VWA8: variants seen among roughly 807,000 people sequenced by gnomAD.
VWA8 encodes von Willebrand factor A domain-containing protein 8.
In VWA8, 221 loss-of-function variants were observed where a neutral mutation model predicts 241.5. That is an observed-to-expected ratio of 0.91 (90% CI 0.82 to 1.02). The LOEUF (loss-of-function observed/expected upper bound fraction) is 1.02. VWA8 is among the 50% of genes least tolerant of loss of function. VWA8 has a pLI of 0.00. For missense variants in VWA8, 2,322 were observed against 2,328.7 expected (o/e 1.00, Z 0.06); for synonymous variants, 852 against 827.1 (o/e 1.03, Z -0.52).
intron 12 of VWA8, among the ~76,000 whole-genome samples, chr13:41,852,010 A>G (rs1343036567): frequency 6.6e-6 from 1 of 152,008 alleles, no homozygotes; most frequent in East Asian, 1.9e-4. Context: ...CCTCCATACT[A>G]TTTTCTATAA....
chr13:41,901,788 C>T (rs1195112863), intron 4 of VWA8, among the ~76,000 whole-genome samples: 1 of 143,876 alleles, frequency 7.0e-6, no homozygotes, highest in Non-Finnish European at 1.5e-5. Context: ...ATTGCTTGTA[C>T]CCAGGAGGCA....
intron 2 of VWA8, chr13:41,926,420 G>A (rs1298662961): frequency 1.9e-6 from 1 of 532,000 alleles, no homozygotes; most frequent in East Asian, 4.9e-5. Flanking sequence ...TCATCCCGGG[G>A]GAGCTGTGGC....
Position 41,570,589 on chromosome 13 carries a change from T to C in VWA8, c.5488A>G (p.Ser1830Gly). 1.9e-6 allele frequency: 3 copies of C among 1,614,216 alleles called. No individual in the cohort carries two copies. The highest frequency in any genetic ancestry group is 2.5e-6 in the Non-Finnish European group (3 of 1,180,038). The change falls in exon 44 of 45, where the codon AGT (serine) becomes GGT (glycine). Residue 1830 changes from serine (S) to glycine (G), a missense_variant. Ser to Gly is a moderately conservative substitution (Grantham distance 56). Transcript: ENST00000379310. ...EADEYFVIVLSDANLSRYGIH... is the reference protein window; with the variant it reads ...EADEYFVIVLGDANLSRYGIH... ...CCATATCGTGACAGATTTGCATCAC[T>C]CAAGACTATGACAAAGTACTCATCA...
intron 40 of VWA8, among the ~76,000 whole-genome samples, chr13:41,593,302 T>G (rs2044468015): frequency 6.6e-6 from 1 of 152,198 alleles, no homozygotes; most frequent in Admixed American, 6.5e-5. Flanking sequence ...CAGTTAATTC[T>G]AAGAACTACC....
chr13:41,858,359 A>T (rs1025200156), intron 12 of VWA8, among the ~76,000 whole-genome samples: 5 of 152,116 alleles, frequency 3.3e-5, no homozygotes, highest in Non-Finnish European at 7.4e-5. Context: ...TAATCCCACC[A>T]CTTTAGGAGG....
chr13:41,895,879 CTCTT>C (rs1208006607), intron 4 of VWA8, among the ~76,000 whole-genome samples: 2 of 134,892 alleles, frequency 1.5e-5, no homozygotes, highest in Non-Finnish European at 3.2e-5. Flanking sequence ...TTTACCAAAG[CTCTT>C]TCTTTCTCCC....
intron 37 of VWA8, among the ~76,000 whole-genome samples, chr13:41,646,823 T>C (rs1450867361): frequency 1.3e-5 from 2 of 152,244 alleles, no homozygotes; most frequent in African/African-American, 4.8e-5. Flanking sequence ...ACTGTATTTA[T>C]GTATGGTCTG....
chr13:41,578,649 C>T (rs372350279), intron 42 of VWA8, among the ~76,000 whole-genome samples: 2 of 152,144 alleles, frequency 1.3e-5, no homozygotes, highest in East Asian at 1.9e-4. Flanking sequence ...GACAGGGCCT[C>T]GAGCATGCTT....
chr13:41,605,671 T>A (rs1263702261), intron 39 of VWA8, among the ~76,000 whole-genome samples: 3 of 152,130 alleles, frequency 2.0e-5, no homozygotes, highest in Non-Finnish European at 4.4e-5. Flanking sequence ...CATATTGTGA[T>A]GTTTGCAGCC....
At chr13:41,828,417 C>T (rs1256566631) in intron 14 of VWA8, among the ~76,000 whole-genome samples, 1 of 152,084 alleles carries the variant, frequency 6.6e-6, no homozygotes, top group Non-Finnish European at 1.5e-5. Context: ...TTAAAATATC[C>T]ATGGAAATGT....
At chr13:41,839,094 C>T (rs954623609) in intron 12 of VWA8, among the ~76,000 whole-genome samples, 10 of 152,284 alleles carry the variant, frequency 6.6e-5, no homozygotes, top group African/African-American at 2.4e-4. Flanking sequence ...AATGGTTGAA[C>T]TAATTTACAC....
intron 2 of VWA8, among the ~76,000 whole-genome samples, chr13:41,919,144 G>C (rs1026548649): frequency 6.6e-6 from 1 of 152,182 alleles, no homozygotes; most frequent in African/African-American, 2.4e-5. Context: ...GAGAAATCCT[G>C]TAGAGCACAG....
chr13:41,914,819 T>C (rs1263068160), intron 2 of VWA8, among the ~76,000 whole-genome samples: 1 of 152,216 alleles, frequency 6.6e-6, no homozygotes, highest in African/African-American at 2.4e-5. Context: ...ATCCAAAATT[T>C]GTAAAGTTCT....
At chr13:41,747,967 A>G (rs977004252) in intron 21 of VWA8, among the ~76,000 whole-genome samples, 1 of 152,194 alleles carries the variant, frequency 6.6e-6, no homozygotes, top group Non-Finnish European at 1.5e-5. Flanking sequence ...CATGGTGGAT[A>G]AGCTTTTTGA....
At chr13:41,647,731 T>C (rs12858814) in intron 37 of VWA8, among the ~76,000 whole-genome samples, 6,181 of 152,310 alleles carry the variant, frequency 0.041, 160 homozygotes, top group African/African-American at 0.078. Context: ...GGCTCATGCC[T>C]GTAATCCTAG....
rs2138179503 is a variant in VWA8 at position 41,960,911 on chromosome 13, A to C, written c.105T>G (p.Gly35=). Residue 35 remains glycine, a synonymous_variant, in exon 1 of 45, where the codon GGT becomes GGG. Coordinates refer to ENST00000379310, the MANE Select transcript of VWA8 (RefSeq NM_015058.2). ...TGACCTCCGGCCGCTGCCTGTCGCCACCCGGCCTGCGCTGCACCACCTGCC... is the reference window on the plus strand; with the variant it reads ...TGACCTCCGGCCGCTGCCTGTCGCCCCCCGGCCTGCGCTGCACCACCTGCC... ...LLRQVVQRRP[G]GDRQRPEVRL... The C allele has an allele frequency of 1.3e-6, 2 of 1,511,740 alleles. No homozygotes were observed. Among genetic ancestry groups the C allele is most frequent in the Non-Finnish European group, 1.8e-6 (2 of 1,136,710 alleles). The allele number at this position is 1,511,740 out of a possible 1,614,324, so 93.6% of individuals were successfully genotyped here.
rs762763924 is a variant in VWA8 at position 41,671,107 on chromosome 13, T to C, written c.4450A>G (p.Ile1484Val). ...LSPYTTWLST[I>V]SDTDALLAEW... ...GCCAGCAGTGCATCTGTGTCTGAAATGGTCGACAGCCATGTGGTATACGGC... is the reference window on the plus strand; with the variant it reads ...GCCAGCAGTGCATCTGTGTCTGAAACGGTCGACAGCCATGTGGTATACGGC... Residue 1484 changes from isoleucine (I) to valine (V), a missense_variant, in exon 37 of 45, where the codon ATT (isoleucine) becomes GTT (valine). Ile to Val is a conservative substitution (Grantham distance 29). Transcript: ENST00000379310. 1 of 1,613,932 alleles carries C rather than the reference T, an allele frequency of 6.2e-7. No individual in the cohort carries two copies. Among genetic ancestry groups the C allele is most frequent in the Non-Finnish European group, 8.5e-7 (1 of 1,179,848 alleles).
chr13:41,688,289 T>C (rs1011405551), intron 34 of VWA8, among the ~76,000 whole-genome samples: 51 of 152,124 alleles, frequency 3.4e-4, no homozygotes, highest in African/African-American at 1.1e-3. Context: ...GCATACAAAA[T>C]TGGAGTACCG....
chr13:41,803,513 T>C (rs570314984), intron 17 of VWA8, among the ~76,000 whole-genome samples: 237 of 152,330 alleles, frequency 1.6e-3, no homozygotes, highest in African/African-American at 5.6e-3. Flanking sequence ...ACGTCTCACA[T>C]GGCAGCAGAC....
Sources: gnomAD v4.1 joint callset for allele counts (sites outside exome capture counted in the v4.1 genomes callset) on GRCh38, gnomAD v4.1.1 for gene constraint, MANE v1.5 for transcripts, NCBI Gene and HGNC (gene_info 2026-07-23, HGNC 2026-07-21) for gene names.